Variants in TTN observed in about 807,000 individuals in gnomAD.
TTN encodes titin.
In TTN, 1,525 loss-of-function variants were observed where a neutral mutation model predicts 3,223.0. That is an observed-to-expected ratio of 0.47 (90% CI 0.45 to 0.49). TTN has a LOEUF of 0.49. Ranked by LOEUF, TTN falls within the 20% of genes least tolerant of loss-of-function variation. The probability of loss-of-function intolerance (pLI) is 0.00; values close to 1 mark genes in which losing one functional copy is unlikely to be tolerated. For synonymous variants in TTN, 14,094 were observed against 15,161.0 expected, an observed-to-expected ratio of 0.93 and a Z score of 5.17; for missense variants, 40,786 against 43,424.0, an observed-to-expected ratio of 0.94 and a Z score of 5.40.
chr2:178,575,901 C>T lies in TTN; in HGVS notation c.70231G>A (p.Gly23411Ser), dbSNP rs767075037. 9.3e-6 allele frequency: 15 copies of T among 1,613,384 alleles called. No individual in the cohort carries two copies. Among genetic ancestry groups the T allele is most frequent in the Admixed American group, 1.7e-5 (1 of 59,972 alleles). Residue 23411 changes from glycine to serine, a missense_variant, in exon 326 of 363, where the codon GGT (glycine) becomes AGT (serine). Transcript: ENST00000589042. The surrounding 1 kb of genome is among the most constrained non-coding windows in gnomAD (Gnocchi z 4.0). ...IIPECNRYDT[G>S]KFVMTIENPA... ...TTTTCAATGGTCATGACAAATTTAC[C>T]GGTATCATATCTGTTACATTCTGGG...
intron 226 of TTN, 112 bp from the exon 227 acceptor site, chr2:178,635,827 A>G: frequency 6.6e-7 from 1 of 1,515,340 alleles, no homozygotes; most frequent in Non-Finnish European, 8.9e-7. Flanking sequence ...GGCATAATTA[A>G]TCCACTGTAG....
intron 112 of TTN, among the ~76,000 whole-genome samples, chr2:178,698,552 C>G (rs1361877905): frequency 1.3e-5 from 2 of 151,740 alleles, no homozygotes; most frequent in African/African-American, 4.8e-5. Flanking sequence ...AAAAGAATAG[C>G]TGTTGGATTT....
At chr2:178,747,967 G>A (rs1317322994) in intron 47 of TTN, 3 of 1,612,852 alleles carry the variant, frequency 1.9e-6, no homozygotes, top group Non-Finnish European at 2.5e-6. Flanking sequence ...CACCTCTGTG[G>A]TCTTCCAAAG....
intron 38 of TTN, 140 bp downstream of exon 38, chr2:178,768,533 G>A (rs1368674056): frequency 3.1e-6 from 4 of 1,272,668 alleles, no homozygotes; most frequent in Non-Finnish European, 4.3e-6. Context: ...GCATATCGTA[G>A]TGCTTCCTTT....
In TTN at chr2:178,602,088, G is replaced by A; in HGVS notation, c.55183C>T (p.Gln18395Ter). The A allele has an allele frequency of 6.2e-7, 1 of 1,612,586 alleles. No individual in the cohort carries two copies. The highest frequency in any genetic ancestry group is 8.5e-7 in the Non-Finnish European group (1 of 1,179,168). Residue 18395 changes from glutamine (Q) to a stop codon, truncating the protein, a stop_gained, in exon 284 of 363, where the codon CAG becomes TAG. Transcript: ENST00000589042. LOFTEE classifies it high-confidence loss of function. ...TTGATGACAGCAGGAATCCTAATCT[G>A]TGAGCCAGCTTTACAAACCAGACAG... ...QDCLVCKAGS[Q>*]IRIPAVIKGR...
chr2:178,748,559 A>G, intron 47 of TTN: 1 of 1,613,064 alleles, frequency 6.2e-7, no homozygotes, highest in South Asian at 1.1e-5. Flanking sequence ...ATCAAATACA[A>G]TGTTCTCAGT....
At chr2:178,797,157 TA>T (rs2093810034) in intron 6 of TTN, among the ~76,000 whole-genome samples, 1 of 152,176 alleles carries the variant, frequency 6.6e-6, no homozygotes, top group Non-Finnish European at 1.5e-5. Context: ...AAAATATAGT[TA>T]GGTTGTTATC....
chr2:178,630,273 T>C lies in TTN; in HGVS notation c.44249A>G (p.Asn14750Ser), dbSNP rs767633080. ...QTGGVDFQAA[N>S]VKSSAHLRVK... Reference sequence around the variant, plus strand: ...TCGGAGGTGGGCACTAGATTTAACATTGGCAGCTTGGAAATCCACCCCACC... The same window carrying C: ...TCGGAGGTGGGCACTAGATTTAACACTGGCAGCTTGGAAATCCACCCCACC... Residue 14750 changes from asparagine (N) to serine (S), a missense_variant, in exon 239 of 363, where the codon AAT (asparagine) becomes AGT (serine). Coordinates refer to ENST00000589042, the MANE Select transcript of TTN (RefSeq NM_001267550.2). The C allele has an allele frequency of 5.6e-6, 9 of 1,613,138 alleles. No homozygotes were observed. Among genetic ancestry groups the C allele is most frequent in the Middle Eastern group, 1.6e-4 (1 of 6,076 alleles).
Position 178,540,062 on chromosome 2 carries a change from T to C in TTN, c.98098+6A>G. ...ATTGCAGAAAGCAAATGATCATATG[T>C]CTCACCAAGCATTTCAGTGACTTTG... On this transcript the variant is annotated splice_donor_region_variant and intron_variant, in intron 351 of 362. Transcript: ENST00000589042. 3 of 1,596,340 alleles carry C rather than the reference T, an allele frequency of 1.9e-6. No homozygotes were observed. The highest frequency in any genetic ancestry group is 2.6e-6 in the Non-Finnish European group (3 of 1,169,674).
In TTN at chr2:178,566,898, T is replaced by C; in HGVS notation, c.79234A>G (p.Ser26412Gly). ...SMTVCWNRPD[S>G]DGGSEIIGYI... is the part of the protein sequence containing the mutation. Reference sequence around the variant, plus strand: ...CCAATAATCTCACTTCCACCATCACTATCTGGACGGTTCCAACAGACGGTC... The same window carrying C: ...CCAATAATCTCACTTCCACCATCACCATCTGGACGGTTCCAACAGACGGTC... Residue 26412 changes from serine to glycine, a missense_variant, in exon 326 of 363, where the codon AGT (serine) becomes GGT (glycine). Ser to Gly is a moderately conservative substitution (Grantham distance 56). Transcript: ENST00000589042. 1.2e-6 allele frequency: 2 copies of C among 1,613,554 alleles called. No homozygotes were observed. The highest frequency in any genetic ancestry group is 3.3e-4 in the Middle Eastern group (2 of 6,062).
chr2:178,773,355 T>G lies in TTN; in HGVS notation c.7609A>C (p.Arg2537=), dbSNP rs754471845. 1.9e-6 allele frequency: 3 copies of G among 1,613,902 alleles called. No individual in the cohort carries two copies. The change falls in exon 33 of 363, where the codon AGA becomes CGA. Residue 2537 remains arginine (R), a synonymous_variant. Coordinates refer to ENST00000589042, the MANE Select transcript of TTN (RefSeq NM_001267550.2). ...GTACAGGTAAGGTCACGAAGACCTC[T>G]GATAATTTTAATTTCTGGGGAAAAA... The part of the protein sequence containing the change: ...NLSVEKIKII[R]GLRDLTCTET...
chr2:178,681,406 G>A lies in TTN; in HGVS notation c.33217C>T (p.Pro11073Ser). 6.2e-7 allele frequency: 1 copy of A among 1,612,402 alleles called. No homozygotes were observed. Among genetic ancestry groups the A allele is most frequent in the Middle Eastern group, 1.7e-4 (1 of 6,058 alleles). ...GGTGGTGGAGGTTTGAGTTTCTTAG[G>A]AATGGGCACTGGTACTTTTTCTTCA... The part of the protein sequence containing the change: ...VPEEKVPVPI[P>S]KKLKPPPPKV... The change falls in exon 137 of 363, where the codon CCT becomes TCT. Residue 11073 changes from proline (P) to serine (S), a missense_variant. Transcript: ENST00000589042.
At position 178,672,666 on chromosome 2, in the gene TTN, A is replaced by C. The variant is rs373476883; in HGVS notation, c.34824T>G (p.Pro11608=). The change falls in exon 153 of 363, where the codon CCT becomes CCG. Residue 11608 remains proline, a synonymous_variant. Coordinates refer to ENST00000589042, the MANE Select transcript of TTN (RefSeq NM_001267550.2). ...KKIPEEKVPV[P]VQKKEAPPAK... ...CTGGGGGTGCCTCTTTTTTCTGAAC[A>C]GGAACAGGTACTTTTTCCTCAGGAA... is the stretch of plus-strand genomic sequence containing the variant. 1 of 1,609,954 alleles carries C rather than the reference A, an allele frequency of 6.2e-7. No homozygotes were observed. The highest frequency in any genetic ancestry group is 8.5e-7 in the Non-Finnish European group (1 of 1,177,672).
chr2:178,625,545 A>T lies in TTN; in HGVS notation c.44425-149T>A, dbSNP rs745948434. ...ACGTATGCATTCAAAAATCATTTCA[A>T]CCAATAGTTTGGGATCTTTTTTTTA... On this transcript the variant is annotated intron_variant, in intron 240 of 362. Coordinates refer to ENST00000589042, the MANE Select transcript of TTN (RefSeq NM_001267550.2). The T allele has an allele frequency of 6.5e-5, 52 of 803,002 alleles. 1 individual carries two copies. The Middle Eastern group carries it at 2.0e-3, about 30-fold the overall frequency. The allele number at this position is 803,002 out of a possible 1,614,324, so 49.7% of individuals were successfully genotyped here.
chr2:178,535,194 T>A lies in TTN; in HGVS notation c.101421A>T (p.Ala33807=). Residue 33807 remains alanine (A), a synonymous_variant, in exon 358 of 363, where the codon GCA becomes GCT. Transcript: ENST00000589042. ...DETREVSMTK[A]SHSSTKELYE... ...AGAGTTCCTTGGTTGAAGAGTGAGA[T>A]GCTTTAGTCATGGAGACTTCCCTGG... The A allele has an allele frequency of 3.1e-6, 5 of 1,613,944 alleles. No homozygotes were observed. The highest frequency in any genetic ancestry group is 4.2e-6 in the Non-Finnish European group (5 of 1,179,848).
rs766610061 is a variant in TTN at position 178,618,702 on chromosome 2, C to A, written c.46848G>T (p.Thr15616=). 40 of 1,612,036 alleles carry A rather than the reference C, an allele frequency of 2.5e-5. No homozygotes were observed. The South Asian group carries it at 4.4e-4, about 18-fold the overall frequency. ...AAATTCTGAAAGAAGTTTGTTCAGC[C>A]GTAGTATCAATGGTTTTTGTAGATA... ...EPLSTKTIDT[T]AEQTSFRILE... The change falls in exon 251 of 363, where the codon ACG becomes ACT. Residue 15616 remains threonine (T), a synonymous_variant. Coordinates refer to ENST00000589042, the MANE Select transcript of TTN (RefSeq NM_001267550.2).
intron 312 of TTN, 24 bp from the exon 313 acceptor site, chr2:178,583,251 C>T (rs752127629): frequency 1.3e-6 from 2 of 1,526,796 alleles, no homozygotes; most frequent in South Asian, 1.4e-5. Flanking sequence ...AGATAAAGGA[C>T]TTAATGTATG....
rs1247071171 is a variant in TTN, at chr2:178,795,212, T to C, written c.955A>G (p.Arg319Gly). Residue 319 changes from arginine (R) to glycine (G), a missense_variant, in exon 7 of 363, where the codon AGG becomes GGG. Physicochemically the swap from Arg to Gly is moderately radical, Grantham distance 125. Transcript: ENST00000589042. ...PAARISTSPI[R>G]SVRSPLLMRK... ...ATGAGCAATGGAGACCTAACAGACC[T>C]GATGGGGGATGTGGAGATTCTTGCT... The C allele has an allele frequency of 3.1e-6, 5 of 1,613,940 alleles. No individual in the cohort carries two copies. The highest frequency in any genetic ancestry group is 4.2e-6 in the Non-Finnish European group (5 of 1,179,990).
In TTN at chr2:178,684,659, T is replaced by A. The variant is rs991158027; in HGVS notation, c.32638+7A>T. On this transcript the variant is annotated splice_region_variant and intron_variant, in intron 131 of 362. Coordinates refer to ENST00000589042, the MANE Select transcript of TTN (RefSeq NM_001267550.2). Reference sequence around the variant, plus strand: ...TCCTAGTTTTTCTGCTGGGGAGGTTTGTTTACCTTTGGCTGGGAGAGGTTC... The same window carrying A: ...TCCTAGTTTTTCTGCTGGGGAGGTTAGTTTACCTTTGGCTGGGAGAGGTTC... 1.2e-6 allele frequency: 2 copies of A among 1,602,828 alleles called. No individual in the cohort carries two copies. The highest frequency in any genetic ancestry group is 2.3e-5 in the South Asian group (2 of 88,314).
Sources: gnomAD v4.1 joint callset for allele counts (sites outside exome capture counted in the v4.1 genomes callset) on GRCh38, gnomAD v4.1.1 for gene constraint, Gnocchi (gnomAD v3.1) non-coding constraint, MANE v1.5 for transcripts, NCBI Gene and HGNC (gene_info 2026-07-23, HGNC 2026-07-21) for gene names.